AGBL1: variants seen among roughly 807,000 people sequenced by gnomAD.
AGBL1 encodes AGBL carboxypeptidase 1, also known as cytosolic carboxypeptidase 4.
A neutral mutation model predicts 118.9 loss-of-function variants in AGBL1; 130 were observed. The ratio of observed to expected loss-of-function variants is 1.09; its 90% CI spans 0.95 to 1.26. The LOEUF (loss-of-function observed/expected upper bound fraction) is 1.26, where lower values mean the gene tolerates loss of function less well. Among genes scored for constraint, AGBL1 ranks in the 50% most tolerant of loss-of-function variants. The probability of loss-of-function intolerance (pLI) is 0.00; values close to 1 mark genes in which losing one functional copy is unlikely to be tolerated. For synonymous variants in AGBL1, 555 were observed against 478.9 expected (o/e 1.16, Z -2.08); for missense variants, 1,584 against 1,298.1 (o/e 1.22, Z -3.38).
At chr15:86,685,580 C>G (rs2142581648) in intron 22 of AGBL1, among the ~76,000 whole-genome samples, 1 of 152,066 alleles carries the variant, frequency 6.6e-6, no homozygotes, top group South Asian at 2.1e-4. Flanking sequence ...ATATAGAATA[C>G]CATGTGCCTG....
rs1252769536 is a variant in AGBL1 at position 86,134,602 on chromosome 15, GCCTTTTTT to G, written c.52-7401_52-7394del. Among the ~76,000 whole-genome samples, 97 of 127,018 alleles carry G rather than the reference GCCTTTTTT, an allele frequency of 7.6e-4. 2 individuals are homozygous for G. The highest frequency in any genetic ancestry group is 4.1e-3 in the Middle Eastern group (1 of 244). The allele number at this position is 127,018 out of a possible 152,430, so 83.3% of individuals were successfully genotyped here. ...TTTAAGACTGTGATGGATCAATGGT[GCCTTTTTT>G]TTTTTTTTTTTTTTTTTTTTTGAGA... On this transcript the variant is annotated intron_variant, in intron 1 of 22. Transcript: ENST00000614907.
intron 18 of AGBL1, among the ~76,000 whole-genome samples, chr15:86,422,146 TC>T: frequency 6.6e-6 from 1 of 152,296 alleles, no homozygotes; most frequent in Middle Eastern, 3.4e-3. Flanking sequence ...GAATATACAT[TC>T]TTCTCAGCAC....
rs1567076426 is a variant in AGBL1 at position 86,134,603 on chromosome 15, C to CTTTTTTTTTTTTT, written c.52-7401_52-7400insTTTTTTTTTTTTT. The stretch of plus-strand genomic sequence containing the variant: ...TTAAGACTGTGATGGATCAATGGTG[C>CTTTTTTTTTTTTT]CTTTTTTTTTTTTTTTTTTTTTTTT... On this transcript the variant is annotated intron_variant, in intron 1 of 22. Coordinates refer to ENST00000614907, the MANE Select transcript of AGBL1 (RefSeq NM_001386094.1). 1.7e-5 allele frequency among the ~76,000 whole-genome samples: 2 copies of CTTTTTTTTTTTTT among 114,314 alleles called. 1 individual carries two copies. The highest frequency in any genetic ancestry group is 3.6e-5 in the Non-Finnish European group (2 of 56,194). 75.0% of individuals were successfully genotyped at this position (114,314 alleles called of 152,430 possible).
At chr15:86,552,342 G>GGC (rs1567053792) in intron 20 of AGBL1, among the ~76,000 whole-genome samples, 1 of 151,478 alleles carries the variant, frequency 6.6e-6, no homozygotes, top group East Asian at 1.9e-4. Context: ...GAGAGAGATA[G>GGC]AACCTATGGA....
intron 17 of AGBL1, among the ~76,000 whole-genome samples, chr15:86,300,711 T>C (rs978413465): frequency 2.0e-5 from 3 of 152,212 alleles, no homozygotes; most frequent in African/African-American, 7.2e-5. Context: ...AACTGTTCTT[T>C]CCAGGGGGCC....
chr15:86,536,212 T>C (rs190026482), intron 19 of AGBL1, among the ~76,000 whole-genome samples: 18 of 152,350 alleles, frequency 1.2e-4, no homozygotes, highest in Non-Finnish European at 2.1e-4. Context: ...AGTTTCTTGA[T>C]AAATTTTAGT....
At chr15:86,108,713 C>A (rs1376842994) in intron 1 of AGBL1, among the ~76,000 whole-genome samples, 2 of 152,172 alleles carry the variant, frequency 1.3e-5, no homozygotes, top group Admixed American at 1.3e-4. Flanking sequence ...AATCCCAGCA[C>A]TTTGGGAGGC....
chr15:86,139,356 G>GT (rs2076930865), intron 1 of AGBL1, among the ~76,000 whole-genome samples: 1 of 152,164 alleles, frequency 6.6e-6, no homozygotes. Context: ...ATCCCTTAGA[G>GT]TTTTTTCATA....
At chr15:86,221,646 C>T (rs891570111) in intron 5 of AGBL1, among the ~76,000 whole-genome samples, 18 of 152,062 alleles carry the variant, frequency 1.2e-4, no homozygotes, top group Non-Finnish European at 1.8e-4. Flanking sequence ...CTTGGCACTG[C>T]GTATGGGAGA....
At chr15:86,591,631 G>A (rs2084336950) in intron 21 of AGBL1, among the ~76,000 whole-genome samples, 2 of 152,142 alleles carry the variant, frequency 1.3e-5, no homozygotes, top group Admixed American at 6.5e-5. Flanking sequence ...GGAGGAAGTG[G>A]CACAGAGCTT....
chr15:86,256,870 G>A lies in AGBL1; in HGVS notation c.753G>A (p.Lys251=). 6.2e-7 allele frequency: 1 copy of A among 1,613,900 alleles called. No individual in the cohort carries two copies. The highest frequency in any genetic ancestry group is 1.1e-5 in the South Asian group (1 of 91,064). Reference sequence around the variant, plus strand: ...TTGCTCAGAACTGCCTGGATGACAAGAGCATGGAGCCCGTCATCTCTGTGG... The same window carrying A: ...TTGCTCAGAACTGCCTGGATGACAAAAGCATGGAGCCCGTCATCTCTGTGG... ...FSTTQNCLDD[K]SMEPVISVVL... is the part of the protein sequence containing the mutation. Residue 251 remains lysine, a synonymous_variant, in exon 8 of 23, where the codon AAG becomes AAA. Coordinates refer to ENST00000614907, the MANE Select transcript of AGBL1 (RefSeq NM_001386094.1).
intron 18 of AGBL1, among the ~76,000 whole-genome samples, chr15:86,512,420 T>C (rs1187616695): frequency 6.6e-6 from 1 of 151,668 alleles, no homozygotes; most frequent in Non-Finnish European, 1.5e-5. Context: ...GCATTTTCTT[T>C]ATTTAAATAT....
intron 13 of AGBL1, among the ~76,000 whole-genome samples, chr15:86,269,046 C>T (rs1001771037): frequency 6.6e-6 from 1 of 152,092 alleles, no homozygotes; most frequent in African/African-American, 2.4e-5. Flanking sequence ...AAATAATAAT[C>T]TTTGGAGATA....
chr15:86,810,135 A>G (rs1272471233), intron 22 of AGBL1, among the ~76,000 whole-genome samples: 1 of 152,182 alleles, frequency 6.6e-6, no homozygotes, highest in African/African-American at 2.4e-5. Context: ...ACAAACAGCA[A>G]CAATAAAAAC....
At chr15:86,807,622 G>A (rs1364687907) in intron 22 of AGBL1, among the ~76,000 whole-genome samples, 1 of 152,112 alleles carries the variant, frequency 6.6e-6, no homozygotes, top group Non-Finnish European at 1.5e-5. Context: ...GTTGTGGAAA[G>A]TGTGTTGACC....
intron 22 of AGBL1, among the ~76,000 whole-genome samples, chr15:86,693,745 C>T (rs1028240378): frequency 2.6e-5 from 4 of 152,018 alleles, no homozygotes; most frequent in African/African-American, 7.2e-5. Flanking sequence ...GATTTAAGTC[C>T]TTGATCCATC....
At chr15:86,771,396 CA>C (rs2078177984) in intron 22 of AGBL1, among the ~76,000 whole-genome samples, 1 of 152,004 alleles carries the variant, frequency 6.6e-6, no homozygotes, top group Non-Finnish European at 1.5e-5. Context: ...AATCAGGGAT[CA>C]AATGCTTGCT....
intron 6 of AGBL1, among the ~76,000 whole-genome samples, chr15:86,237,062 A>T (rs1322012167): frequency 1.3e-5 from 2 of 151,852 alleles, no homozygotes; most frequent in African/African-American, 4.8e-5. Flanking sequence ...TTGCATATCA[A>T]AGCTGGCCAG....
chr15:86,558,313 C>G (rs2083764668), intron 21 of AGBL1, among the ~76,000 whole-genome samples: 1 of 152,194 alleles, frequency 6.6e-6, no homozygotes, highest in African/African-American at 2.4e-5. Flanking sequence ...TGCCCCAAAG[C>G]TATGGCTCCT....
Sources: gnomAD v4.1 joint callset for allele counts (sites outside exome capture counted in the v4.1 genomes callset) on GRCh38, gnomAD v4.1.1 for gene constraint, MANE v1.5 for transcripts, NCBI Gene and HGNC (gene_info 2026-07-23, HGNC 2026-07-21) for gene names.